The following BCAR3 variants were observed in gnomAD, a reference collection of about 807,000 sequenced individuals.
BCAR3 encodes the protein breast cancer anti-estrogen resistance protein 3.
Under a neutral mutation model 80.1 loss-of-function variants are expected in BCAR3, and 37 were observed. The ratio of observed to expected loss-of-function variants is 0.46; its 90% CI spans 0.36 to 0.61. BCAR3 has a LOEUF of 0.61. Among genes scored for constraint, BCAR3 ranks in the 20% least tolerant of loss-of-function variants. The pLI is 0.00. For missense variants in BCAR3, 978 were observed against 1,068.2 expected (o/e 0.92, Z 1.18); for synonymous variants, 389 against 418.9 (o/e 0.93, Z 0.87).
intron 2 of BCAR3, among the ~76,000 whole-genome samples, chr1:93,708,156 T>C (rs1371678443): frequency 6.6e-6 from 1 of 152,172 alleles, no homozygotes; most frequent in Non-Finnish European, 1.5e-5. Flanking sequence ...TACTGCTCAC[T>C]TATATAGAAC....
At position 93,603,990 on chromosome 1, in the gene BCAR3, G is replaced by A. The variant is rs112700367; in HGVS notation, c.358-11597C>T. 4.4e-3 allele frequency among the ~76,000 whole-genome samples: 674 copies of A among 152,296 alleles called. 8 individuals are homozygous for A. Among genetic ancestry groups the A allele is most frequent in the African/African-American group, 0.014 (592 of 41,562 alleles). On this transcript the variant is annotated intron_variant, in intron 3 of 11. Transcript: ENST00000260502. ...ACACTTCAATTAGTTTGATGTTAAC[G>A]TTTAAGCACCTTGATGAAATAAATT...
intron 2 of BCAR3, among the ~76,000 whole-genome samples, chr1:93,783,375 G>T (rs1016363197): frequency 6.6e-6 from 1 of 152,132 alleles, no homozygotes; most frequent in South Asian, 2.1e-4. Flanking sequence ...TTTGCTAAAT[G>T]CCTCTGACAT....
chr1:93,580,485 C>A (rs1383398882), intron 7 of BCAR3, among the ~76,000 whole-genome samples: 2 of 148,374 alleles, frequency 1.3e-5, no homozygotes, highest in Non-Finnish European at 3.0e-5. Context: ...ACAGTAGATT[C>A]AACCAACCAA....
chr1:93,580,630 T>G (rs1673666436), intron 7 of BCAR3, among the ~76,000 whole-genome samples: 2 of 152,194 alleles, frequency 1.3e-5, no homozygotes, highest in Admixed American at 1.3e-4. Flanking sequence ...TATTAGGTGT[T>G]GTAAGTAATC....
intron 2 of BCAR3, among the ~76,000 whole-genome samples, chr1:93,745,248 T>C (rs1049372780): frequency 2.0e-5 from 3 of 152,144 alleles, no homozygotes; most frequent in African/African-American, 2.4e-5. Flanking sequence ...CCAGCTTGGC[T>C]GTGCAGATGG....
chr1:93,664,399 G>A lies in BCAR3; in HGVS notation c.317+10215C>T, dbSNP rs527890417. ...CTCCCAAAGTGCTGGGATTACAGGC[G>A]TGAGCCACCGCGCCTGGCCCAGTTC... On this transcript the variant is annotated intron_variant, in intron 2 of 11. Transcript: ENST00000260502. Among the ~76,000 whole-genome samples, 46 of 152,286 alleles carry A rather than the reference G, an allele frequency of 3.0e-4. No individual in the cohort carries two copies. In the South Asian group the frequency reaches 7.3e-3, roughly 24 times the overall value.
chr1:93,733,701 C>T (rs1650878192), intron 2 of BCAR3, among the ~76,000 whole-genome samples: 1 of 152,196 alleles, frequency 6.6e-6, no homozygotes, highest in Non-Finnish European at 1.5e-5. Flanking sequence ...TGTATGGGCA[C>T]TCTTAGAACA....
intron 2 of BCAR3, among the ~76,000 whole-genome samples, chr1:93,653,789 C>G (rs529237152): frequency 6.6e-6 from 1 of 152,280 alleles, no homozygotes; most frequent in African/African-American, 2.4e-5. Context: ...AGAAGCCCCA[C>G]ATGGGGTAGG....
chr1:93,841,923 C>A (rs1394527277), intron 2 of BCAR3, among the ~76,000 whole-genome samples: 3 of 152,152 alleles, frequency 2.0e-5, no homozygotes, highest in Non-Finnish European at 4.4e-5. Context: ...GTCCTATCTT[C>A]TTCCTCATAA....
chr1:93,761,825 C>A (rs532889687), intron 2 of BCAR3, among the ~76,000 whole-genome samples: 2 of 152,140 alleles, frequency 1.3e-5, no homozygotes, highest in South Asian at 4.1e-4. Context: ...CCTACATGCC[C>A]ATGAGCCAGT....
chr1:93,674,234 C>A (rs560231807), intron 2 of BCAR3, among the ~76,000 whole-genome samples: 2 of 152,122 alleles, frequency 1.3e-5, no homozygotes, highest in Non-Finnish European at 2.9e-5. Flanking sequence ...GTTAATTATT[C>A]GCTCAACTTT....
In BCAR3 at chr1:93,817,809, C is replaced by A. The variant is rs141378933; in HGVS notation, c.-63+27758G>T. On this transcript the variant is annotated intron_variant, in intron 2 of 13. Transcript: ENST00000370244. The stretch of plus-strand genomic sequence containing the variant: ...CTGTTTACCCCCCCACATCCCTGCC[C>A]AGCATCTTTGCAGTATTTTGCCCCA... 3.3e-5 allele frequency among the ~76,000 whole-genome samples: 5 copies of A among 152,338 alleles called. No homozygotes were observed. In the East Asian group the frequency reaches 9.6e-4, roughly 29 times the overall value.
At chr1:93,659,876 C>T (rs149927490) in intron 2 of BCAR3, among the ~76,000 whole-genome samples, 41 of 152,246 alleles carry the variant, frequency 2.7e-4, no homozygotes, top group Admixed American at 6.5e-4. Context: ...CCTCAGTGCT[C>T]CTTTCCTATG....
intron 2 of BCAR3, among the ~76,000 whole-genome samples, chr1:93,744,420 C>A (rs766452526): frequency 6.6e-5 from 10 of 151,990 alleles, no homozygotes. Context: ...AGTGCTTCTC[C>A]GATAGTAGCA....
At chr1:93,648,310 GGA>G (rs1349689443) in intron 2 of BCAR3, among the ~76,000 whole-genome samples, 2 of 152,170 alleles carry the variant, frequency 1.3e-5, no homozygotes, top group Non-Finnish European at 2.9e-5. Flanking sequence ...ATGGGATGGA[GGA>G]GAGAGGTGCT....
intron 2 of BCAR3, among the ~76,000 whole-genome samples, chr1:93,720,473 A>C (rs931865850): frequency 2.5e-4 from 38 of 152,274 alleles, no homozygotes; most frequent in African/African-American, 7.5e-4. Context: ...CTGCAGGAGC[A>C]TTCAGTAGAG....
chr1:93,751,988 C>T (rs1651572107), intron 2 of BCAR3, among the ~76,000 whole-genome samples: 1 of 152,250 alleles, frequency 6.6e-6, no homozygotes, highest in African/African-American at 2.4e-5. Context: ...GAGAATGCAT[C>T]TCTTTGCTGT....
At chr1:93,632,490 T>C (rs563517284) in intron 3 of BCAR3, among the ~76,000 whole-genome samples, 3 of 152,344 alleles carry the variant, frequency 2.0e-5, no homozygotes, top group East Asian at 1.9e-4. Context: ...GGGTAAACTA[T>C]AATATTCAGT....
chr1:93,788,303 A>C (rs1474956194), intron 2 of BCAR3, among the ~76,000 whole-genome samples: 1 of 152,232 alleles, frequency 6.6e-6, no homozygotes, highest in Non-Finnish European at 1.5e-5. Flanking sequence ...GAACTTCTCC[A>C]TTCAACATTA....
Sources: gnomAD v4.1 joint callset for allele counts (sites outside exome capture counted in the v4.1 genomes callset) on GRCh38, gnomAD v4.1.1 for gene constraint, MANE v1.5 for transcripts, NCBI Gene and HGNC (gene_info 2026-07-23, HGNC 2026-07-21) for gene names.